Variants in LAMA2 observed in about 807,000 individuals in gnomAD.
The protein encoded by LAMA2 is laminin subunit alpha 2, also known as laminin subunit alpha-2.
In LAMA2, 269 loss-of-function variants were observed where a neutral mutation model predicts 364.8. The ratio of observed to expected loss-of-function variants is 0.74; its 90% CI spans 0.67 to 0.82. The LOEUF is 0.82. LAMA2 is among the 40% of genes least tolerant of loss of function. The pLI is 0.00. For missense variants in LAMA2, 3,807 were observed against 3,873.2 expected, an observed-to-expected ratio of 0.98 and a Z score of 0.45; for synonymous variants, 1,379 against 1,370.6, an observed-to-expected ratio of 1.01 and a Z score of -0.14.
Position 128,929,264 on chromosome 6 carries a change from A to G in LAMA2, c.112+45907A>G, listed in dbSNP as rs1779293337. The G allele has an allele frequency of 7.9e-6, 11 of 1,387,496 alleles. 1 individual carries two copies. In the South Asian group the frequency reaches 1.0e-4, roughly 13 times the overall value. 85.9% of individuals were successfully genotyped at this position (1,387,496 alleles called of 1,614,324 possible). On this transcript the variant is annotated intron_variant, in intron 1 of 64. Transcript: ENST00000421865. ...GTACTGTAAGAGACCGTCAATGGCT[A>G]AGTTCCCGTCATTGATGCGGATCCC...
intron 4 of LAMA2, among the ~76,000 whole-genome samples, chr6:129,123,612 T>C (rs1427207913): frequency 6.6e-6 from 1 of 152,114 alleles, no homozygotes; most frequent in Admixed American, 6.6e-5. Context: ...GACATTATGT[T>C]AAGTGAAGTA....
chr6:128,982,356 G>A (rs1246455041), intron 1 of LAMA2, among the ~76,000 whole-genome samples: 1 of 152,100 alleles, frequency 6.6e-6, no homozygotes, highest in Admixed American at 6.5e-5. Context: ...TTATATTTAT[G>A]TGGTGTTTGC....
chr6:129,462,172 C>A (rs1783285377), intron 49 of LAMA2, among the ~76,000 whole-genome samples: 1 of 152,020 alleles, frequency 6.6e-6, no homozygotes, highest in Non-Finnish European at 1.5e-5. Flanking sequence ...TTCACTCATA[C>A]AAGATTGGCA....
intron 1 of LAMA2, among the ~76,000 whole-genome samples, chr6:128,950,380 C>G (rs1205809804): frequency 6.6e-6 from 1 of 152,056 alleles, no homozygotes. Flanking sequence ...AGCAACATAC[C>G]AAGAAGGAGG....
intron 1 of LAMA2, among the ~76,000 whole-genome samples, chr6:128,887,326 C>T (rs1482213842): frequency 6.6e-6 from 1 of 151,822 alleles, no homozygotes; most frequent in East Asian, 1.9e-4. Context: ...GGCTTGTTTG[C>T]CATATACTGA....
chr6:128,908,068 T>G (rs1379140743), intron 1 of LAMA2, among the ~76,000 whole-genome samples: 6 of 151,650 alleles, frequency 4.0e-5, no homozygotes, highest in African/African-American at 7.3e-5. Context: ...TGCATCAATG[T>G]TCATCAAGGA....
intron 10 of LAMA2, among the ~76,000 whole-genome samples, chr6:129,183,276 G>A (rs768505815): frequency 2.6e-5 from 4 of 151,848 alleles, no homozygotes; most frequent in Admixed American, 6.6e-5. Flanking sequence ...GCAGTTTGGT[G>A]TCATATTATT....
At chr6:129,505,443 T>C (rs1390102123) in intron 61 of LAMA2, 88 bp downstream of exon 61, 1 of 993,422 alleles carries the variant, frequency 1.0e-6, no homozygotes, top group Non-Finnish European at 1.6e-6. Flanking sequence ...CATGGGCCCA[T>C]GAAAACTGAT....
At chr6:129,131,350 T>C (rs1777465975) in intron 4 of LAMA2, among the ~76,000 whole-genome samples, 1 of 152,218 alleles carries the variant, frequency 6.6e-6, no homozygotes, top group Admixed American at 6.5e-5. Context: ...TATTTCTTAA[T>C]ATTAGCTATC....
At chr6:129,309,378 A>G (rs934455984) in intron 22 of LAMA2, among the ~76,000 whole-genome samples, 1 of 152,364 alleles carries the variant, frequency 6.6e-6, no homozygotes, top group Non-Finnish European at 1.5e-5. Flanking sequence ...TAACTTCCTG[A>G]ATAAACTTCC....
intron 1 of LAMA2, among the ~76,000 whole-genome samples, chr6:128,909,678 G>T (rs1401497568): frequency 7.6e-5 from 11 of 145,004 alleles, no homozygotes; most frequent in East Asian, 2.1e-4. Context: ...ATCCTGTCAT[G>T]ATGATGTTAG....
At chr6:129,380,416 A>G (rs1778613953) in intron 34 of LAMA2, among the ~76,000 whole-genome samples, 1 of 152,202 alleles carries the variant, frequency 6.6e-6, no homozygotes, top group Non-Finnish European at 1.5e-5. Context: ...TGGATATATG[A>G]TAAACAAAAC....
intron 2 of LAMA2, 114 bp downstream of exon 2, chr6:129,050,202 C>A: frequency 4.7e-6 from 5 of 1,067,946 alleles, no homozygotes; most frequent in Non-Finnish European, 7.0e-6. Context: ...TCCTAGAATT[C>A]TTTTTACCAT....
chr6:129,260,676 T>C (rs1343744631), intron 14 of LAMA2, 35 bp from the exon 15 acceptor site: 1 of 1,281,170 alleles, frequency 7.8e-7, no homozygotes, highest in Non-Finnish European at 1.1e-6. Context: ...CTAAGAACTT[T>C]ACTTATTCAC....
intron 53 of LAMA2, 67 bp from the exon 54 acceptor site, chr6:129,478,624 CAT>C (rs1784199909): frequency 6.5e-7 from 1 of 1,549,704 alleles, no homozygotes; most frequent in South Asian, 1.1e-5. Context: ...GCTTCCTTCC[CAT>C]AGTCAGAGAC....
chr6:129,303,862 G>C (rs1386285655), intron 22 of LAMA2, among the ~76,000 whole-genome samples: 2 of 152,142 alleles, frequency 1.3e-5, no homozygotes, highest in Non-Finnish European at 1.5e-5. Flanking sequence ...ATATTGGTAT[G>C]AACTTATTTT....
chr6:129,369,534 A>G (rs1372001804), intron 33 of LAMA2, among the ~76,000 whole-genome samples: 1 of 151,976 alleles, frequency 6.6e-6, no homozygotes, highest in East Asian at 1.9e-4. Context: ...TCTTAACTCT[A>G]CCCCTTACTG....
At chr6:129,157,780 C>A (rs1779204440) in intron 8 of LAMA2, 1 of 1,613,018 alleles carries the variant, frequency 6.2e-7, no homozygotes, top group African/African-American at 1.3e-5. Context: ...TCCACGATCC[C>A]TCCTGTGATA....
intron 58 of LAMA2, among the ~76,000 whole-genome samples, chr6:129,497,591 C>G (rs1785289094): frequency 6.6e-6 from 1 of 152,168 alleles, no homozygotes. Context: ...AAGTTAACTC[C>G]TGAAGTGAGA....
Sources: gnomAD v4.1 joint callset for allele counts (sites outside exome capture counted in the v4.1 genomes callset) on GRCh38, gnomAD v4.1.1 for gene constraint, MANE v1.5 for transcripts, NCBI Gene and HGNC (gene_info 2026-07-23, HGNC 2026-07-21) for gene names.